The following GLI2 variants were observed in gnomAD, a reference collection of about 807,000 sequenced individuals.
GLI2 encodes transcription activator GLI2.
In GLI2, 22 loss-of-function variants were observed where a neutral mutation model predicts 78.9. That is an observed-to-expected ratio of 0.28 (90% CI 0.20 to 0.40). GLI2 has a LOEUF of 0.40. Among genes scored for constraint, GLI2 ranks in the 10% least tolerant of loss-of-function variants. The pLI, the probability that GLI2 is intolerant of heterozygous loss-of-function variation, is 1.00. For missense variants in GLI2, 2,097 were observed against 2,213.2 expected (o/e 0.95, Z 1.05); for synonymous variants, 974 against 963.7 (o/e 1.01, Z -0.20).
At chr2:120,820,010 G>A (rs1685687887) in intron 2 of GLI2, among the ~76,000 whole-genome samples, 1 of 152,146 alleles carries the variant, frequency 6.6e-6, no homozygotes, top group South Asian at 2.1e-4. Context: ...GCAGCAGGAT[G>A]GCCAGCCGCC....
intron 2 of GLI2, among the ~76,000 whole-genome samples, chr2:120,801,439 A>G (rs1364516615): frequency 6.6e-6 from 1 of 152,128 alleles, no homozygotes; most frequent in African/African-American, 2.4e-5. Flanking sequence ...TTGGGATTTC[A>G]CTTCTGAGTT....
chr2:120,812,067 G>A (rs889256507), intron 2 of GLI2, among the ~76,000 whole-genome samples: 2 of 152,176 alleles, frequency 1.3e-5, no homozygotes, highest in Non-Finnish European at 2.9e-5. Flanking sequence ...GAGAGATGGG[G>A]GATCGGCGGC....
At chr2:120,878,958 C>T (rs1015563008) in intron 2 of GLI2, among the ~76,000 whole-genome samples, 9 of 152,050 alleles carry the variant, frequency 5.9e-5, no homozygotes, top group Non-Finnish European at 1.2e-4. Flanking sequence ...CTTCTGGCTG[C>T]AGTCCTCCAG....
At chr2:120,874,551 G>C (rs1009773297) in intron 2 of GLI2, among the ~76,000 whole-genome samples, 4 of 152,346 alleles carry the variant, frequency 2.6e-5, no homozygotes, top group Admixed American at 2.0e-4. Context: ...TCCTGTCTGT[G>C]TAGACAGGCC....
chr2:120,798,731 C>T (rs1405499961), intron 2 of GLI2, among the ~76,000 whole-genome samples: 1 of 152,066 alleles, frequency 6.6e-6, no homozygotes, highest in Non-Finnish European at 1.5e-5. Context: ...AGGAAGAGCT[C>T]TTAGGTGGAG....
chr2:120,978,045 G>A (rs1193029211), intron 9 of GLI2, among the ~76,000 whole-genome samples: 1 of 152,164 alleles, frequency 6.6e-6, no homozygotes, highest in Non-Finnish European at 1.5e-5. Flanking sequence ...TTGCAGCCTG[G>A]GAGCGTCATC....
At chr2:120,945,744 G>A (rs771591982) in intron 3 of GLI2, among the ~76,000 whole-genome samples, 6 of 152,228 alleles carry the variant, frequency 3.9e-5, no homozygotes, top group Admixed American at 1.3e-4. Flanking sequence ...CAACCCTTGC[G>A]GACAGAGAGA....
intron 1 of GLI2, among the ~76,000 whole-genome samples, chr2:120,758,653 C>T (rs992065950): frequency 2.0e-5 from 3 of 152,234 alleles, no homozygotes; most frequent in Non-Finnish European, 2.9e-5. Flanking sequence ...AATATCTGCT[C>T]GGCCTGCAGC....
At position 120,920,980 on chromosome 2, in the gene GLI2, G is replaced by A. The variant is rs138254045; in HGVS notation, c.149-6381G>A. Among the ~76,000 whole-genome samples, 14 of 151,762 alleles carry A rather than the reference G, an allele frequency of 9.2e-5. 1 individual carries two copies. The South Asian group carries it at 1.5e-3, about 16-fold the overall frequency. On this transcript the variant is annotated intron_variant, in intron 2 of 13. Coordinates refer to ENST00000361492, the MANE Select transcript of GLI2 (RefSeq NM_001374353.1). ...GGCTCAGGATGTCACTCAAGGCAGCGCCTATTCTTCCCACGCATCTTCATG... is the reference window on the plus strand; with the variant it reads ...GGCTCAGGATGTCACTCAAGGCAGCACCTATTCTTCCCACGCATCTTCATG...
chr2:120,787,317 T>C (rs1684024696), intron 1 of GLI2, among the ~76,000 whole-genome samples: 1 of 152,212 alleles, frequency 6.6e-6, no homozygotes, highest in Non-Finnish European at 1.5e-5. Context: ...ACTTGGACCT[T>C]GTCCTGTGCG....
chr2:120,752,028 C>G (rs77426238), intron 1 of GLI2, among the ~76,000 whole-genome samples: 31,310 of 152,046 alleles, frequency 0.21, 4,292 homozygotes, highest in African/African-American at 0.38. Flanking sequence ...TGAGCACGAC[C>G]CCCACTAGAG....
intron 12 of GLI2, 135 bp from the exon 13 acceptor site, chr2:120,986,143 C>T (rs886582800): frequency 2.2e-5 from 17 of 761,680 alleles, no homozygotes; most frequent in Non-Finnish European, 2.9e-5. Context: ...CGTGCTCCTC[C>T]GCAAGGCAGC....
At position 120,984,475 on chromosome 2, in the gene GLI2, C is replaced by T. The variant is rs771789679; in HGVS notation, c.1637C>T (p.Pro546Leu). 1 of 1,614,178 alleles carries T rather than the reference C, an allele frequency of 6.2e-7. No individual in the cohort carries two copies. The highest frequency in any genetic ancestry group is 1.1e-5 in the South Asian group (1 of 91,078). The change falls in exon 12 of 14, where the codon CCC becomes CTC. Residue 546 changes from proline to leucine, a missense_variant. Transcript: ENST00000361492. Reference sequence around the variant, plus strand: ...CAGGCCTGCTTCTCTCCCCAGAAACCCTACATCTGCAAGATCCCAGGCTGC... The same window carrying T: ...CAGGCCTGCTTCTCTCCCCAGAAACTCTACATCTGCAAGATCCCAGGCTGC... ...HQNRTHSNEKPYICKIPGCTK... is the reference protein window; with the variant it reads ...HQNRTHSNEKLYICKIPGCTK...
intron 1 of GLI2, among the ~76,000 whole-genome samples, chr2:120,796,506 G>C (rs1684402533): frequency 1.3e-5 from 2 of 152,140 alleles, no homozygotes; most frequent in African/African-American, 2.4e-5. Context: ...CCTCCCACAA[G>C]GCCCCTGGCT....
intron 1 of GLI2, among the ~76,000 whole-genome samples, chr2:120,776,988 C>T (rs1451700593): frequency 1.3e-5 from 2 of 152,222 alleles, no homozygotes; most frequent in Non-Finnish European, 2.9e-5. Context: ...TGCCACCTCC[C>T]CAGCAGTGAG....
chr2:120,896,540 C>T (rs913516915), intron 2 of GLI2, among the ~76,000 whole-genome samples: 2 of 152,046 alleles, frequency 1.3e-5, no homozygotes, highest in African/African-American at 4.8e-5. Flanking sequence ...GTGGTGGTAA[C>T]AGCAGTAAAA....
intron 1 of GLI2, among the ~76,000 whole-genome samples, chr2:120,746,467 A>C (rs1682697403): frequency 1.3e-5 from 2 of 152,148 alleles, no homozygotes; most frequent in African/African-American, 4.8e-5. Flanking sequence ...CTCCCCGGCC[A>C]ACCCTCCTCC....
At chr2:120,834,068 A>G (rs558214274) in intron 2 of GLI2, among the ~76,000 whole-genome samples, 2 of 152,304 alleles carry the variant, frequency 1.3e-5, no homozygotes, top group East Asian at 3.9e-4. Flanking sequence ...CCCAACCGCC[A>G]CATCATCTTG....
intron 2 of GLI2, among the ~76,000 whole-genome samples, chr2:120,801,353 G>C (rs549305085): frequency 2.0e-5 from 3 of 152,112 alleles, no homozygotes; most frequent in Non-Finnish European, 4.4e-5. Context: ...TAGCCAGGCT[G>C]GTCTCGAATT....
Sources: gnomAD v4.1 joint callset for allele counts (sites outside exome capture counted in the v4.1 genomes callset) on GRCh38, gnomAD v4.1.1 for gene constraint, MANE v1.5 for transcripts, NCBI Gene and HGNC (gene_info 2026-07-23, HGNC 2026-07-21) for gene names.